Variants in GFPT2 observed in about 807,000 individuals in gnomAD.
The protein encoded by GFPT2 is glutamine--fructose-6-phosphate transaminase 2.
Under a neutral mutation model 85.6 loss-of-function variants are expected in GFPT2, and 62 were observed. That is an observed-to-expected ratio of 0.72 (90% CI 0.59 to 0.90). The LOEUF (loss-of-function observed/expected upper bound fraction) is 0.90, where lower values mean the gene tolerates loss of function less well. Among genes scored for constraint, GFPT2 ranks in the 40% least tolerant of loss-of-function variants. GFPT2 has a pLI of 0.00. For missense variants in GFPT2, 788 were observed against 893.4 expected (o/e 0.88, Z 1.50); for synonymous variants, 368 against 344.5 (o/e 1.07, Z -0.75).
Position 180,324,216 on chromosome 5 carries a change from C to A in GFPT2, c.766G>T (p.Val256Leu), listed in dbSNP as rs561071820. The change falls in exon 9 of 19, where the codon GTG becomes TTG. Residue 256 changes from valine (V) to leucine (L), a missense_variant. Physicochemically the swap from Val to Leu is conservative, Grantham distance 32. Transcript: ENST00000253778. ...ACLHAVGDKA[V>L]EFFFASDASA... is the part of the protein sequence containing the mutation. ...GCATCAGAAGCAAAGAAGAATTCCA[C>A]GGCCTTGTCGCCCACAGCATGCAGG... 6.2e-7 allele frequency: 1 copy of A among 1,608,216 alleles called. No homozygotes were observed.
At chr5:180,348,170 G>A (rs1232811778) in intron 1 of GFPT2, among the ~76,000 whole-genome samples, 1 of 152,332 alleles carries the variant, frequency 6.6e-6, no homozygotes, top group East Asian at 1.9e-4. Context: ...TAGAGATTAG[G>A]TATCATCCCA....
At chr5:180,333,239 CT>C (rs11341578) in intron 4 of GFPT2, among the ~76,000 whole-genome samples, 22,462 of 147,984 alleles carry the variant, frequency 0.15, 1,826 homozygotes, top group East Asian at 0.19. Context: ...CTTTTTCTTT[CT>C]TTTTTTTTTT....
intron 1 of GFPT2, among the ~76,000 whole-genome samples, chr5:180,346,703 C>A (rs1561885352): frequency 6.6e-6 from 1 of 152,334 alleles, no homozygotes; most frequent in East Asian, 1.9e-4. Flanking sequence ...ACATGTGATG[C>A]CTTCTCCAAC....
At chr5:180,320,725 C>T (rs990431643) in intron 9 of GFPT2, among the ~76,000 whole-genome samples, 2 of 152,172 alleles carry the variant, frequency 1.3e-5, no homozygotes, top group African/African-American at 4.8e-5. Context: ...TGAGATTGTG[C>T]CACTGCACTC....
intron 4 of GFPT2, among the ~76,000 whole-genome samples, chr5:180,332,238 CGGGGGGGCG>C (rs561756433): frequency 1.4e-4 from 9 of 66,044 alleles, no homozygotes; most frequent in African/African-American, 3.8e-4. Context: ...GGGGAGGTGG[CGGGGGGGCG>C]GGGGGAGCAG....
chr5:180,307,840 T>C (rs566142068), intron 15 of GFPT2, among the ~76,000 whole-genome samples: 6 of 152,314 alleles, frequency 3.9e-5, no homozygotes, highest in African/African-American at 1.2e-4. Context: ...GGACCAGGCG[T>C]GGTGGCTCAC....
At position 180,335,897 on chromosome 5, in the gene GFPT2, T is replaced by A. The variant is rs777670544; in HGVS notation, c.271A>T (p.Thr91Ser). 2 of 1,581,396 alleles carry A rather than the reference T, an allele frequency of 1.3e-6. No homozygotes were observed. Among genetic ancestry groups the A allele is most frequent in the South Asian group, 2.3e-5 (2 of 86,538 alleles). Residue 91 changes from threonine to serine, a missense_variant, in exon 4 of 19, where the codon ACG (threonine) becomes TCG (serine). Transcript: ENST00000253778. ...GGGACCCCGTGGGTGGCCCAGCGCGTGTGGGCAATGCCGAAGTGTGTCTCA... is the reference window on the plus strand; with the variant it reads ...GGGACCCCGTGGGTGGCCCAGCGCGAGTGGGCAATGCCGAAGTGTGTCTCA... ...EFETHFGIAH[T>S]RWATHGVPSA... is the part of the protein sequence containing the mutation.
At chr5:180,316,207 G>A in intron 13 of GFPT2, 134 bp downstream of exon 13, 1 of 853,140 alleles carries the variant, frequency 1.2e-6, no homozygotes, top group Non-Finnish European at 1.8e-6. Flanking sequence ...TGGCTCTACG[G>A]GTTAAATGAC....
rs1581375490 is a variant in GFPT2, at chr5:180,318,723, G to A, written c.958+70C>T. ...CTGTGGCCTCTACTAGGACCAGGCA[G>A]AGTGTCAGGAGCTCCACCAGGCGCG... On this transcript the variant is annotated intron_variant, in intron 10 of 18. Transcript: ENST00000253778. This position sits in a 1 kb window ranked among gnomAD's most constrained non-coding sequence, Gnocchi z 4.2. The A allele has an allele frequency of 1.5e-6, 2 of 1,332,616 alleles. No homozygotes were observed. The highest frequency in any genetic ancestry group is 4.8e-5 in the East Asian group (2 of 41,638). The allele number at this position is 1,332,616 out of a possible 1,614,324, so 82.5% of individuals were successfully genotyped here.
At position 180,313,984 on chromosome 5, in the gene GFPT2, T is replaced by TCAGTGC. The variant is rs1386804936; in HGVS notation, c.1274-26_1274-21dup. ...TCTCGCCTGCCGCCCAGGGGCCCTC[T>TCAGTGC]CAGTGCCGCGCTCCGCCAGCCTCGG... On this transcript the variant is annotated intron_variant, in intron 13 of 18. Coordinates refer to ENST00000253778, the MANE Select transcript of GFPT2 (RefSeq NM_005110.4). 1 of 1,580,024 alleles carries TCAGTGC rather than the reference T, an allele frequency of 6.3e-7. No homozygotes were observed. Among genetic ancestry groups the TCAGTGC allele is most frequent in the South Asian group, 1.1e-5 (1 of 88,558 alleles).
chr5:180,306,072 C>T (rs781145545), intron 16 of GFPT2, among the ~76,000 whole-genome samples: 11 of 151,678 alleles, frequency 7.3e-5, no homozygotes, highest in Non-Finnish European at 1.3e-4. Flanking sequence ...GCAACCTCCT[C>T]CTCTTGGATT....
intron 15 of GFPT2, among the ~76,000 whole-genome samples, chr5:180,310,701 G>A (rs979849632): frequency 1.5e-4 from 22 of 143,554 alleles, no homozygotes; most frequent in Admixed American, 4.7e-4. Context: ...GTGAGCCACC[G>A]CGCCCGGCCA....
At chr5:180,313,052 C>A (rs1763926585) in intron 14 of GFPT2, among the ~76,000 whole-genome samples, 1 of 152,006 alleles carries the variant, frequency 6.6e-6, no homozygotes, top group Admixed American at 6.5e-5. Context: ...GCTGGGATTA[C>A]AGGCCTGAGT....
At position 180,328,798 on chromosome 5, in the gene GFPT2, C is replaced by A. The variant is rs576085780; in HGVS notation, c.535-460G>T. Among the ~76,000 whole-genome samples the A allele has an allele frequency of 6.6e-6, 1 of 152,210 alleles. No individual in the cohort carries two copies. The highest frequency in any genetic ancestry group is 2.1e-4 in the South Asian group (1 of 4,838). On this transcript the variant is annotated intron_variant, in intron 6 of 18. Coordinates refer to ENST00000253778, the MANE Select transcript of GFPT2 (RefSeq NM_005110.4). This position sits in a 1 kb window ranked among gnomAD's most constrained non-coding sequence, Gnocchi z 5.4. ...TGGGCTCTCCCTTTAGCCTTCTTGGCGCCTCGTTCTCCTCATCGGTGAAGG... is the reference window on the plus strand; with the variant it reads ...TGGGCTCTCCCTTTAGCCTTCTTGGAGCCTCGTTCTCCTCATCGGTGAAGG...
At chr5:180,317,187 C>G (rs995622268) in intron 10 of GFPT2, 129 bp from the exon 11 acceptor site, 6 of 699,674 alleles carry the variant, frequency 8.6e-6, no homozygotes, top group Non-Finnish European at 1.3e-5. Context: ...ATTACCCTGC[C>G]TGACACTCAC....
At chr5:180,352,663 T>C (rs1764736752) in intron 1 of GFPT2, 1 of 438,774 alleles carries the variant, frequency 2.3e-6, no homozygotes, top group African/African-American at 2.1e-5. Context: ...TCCTTTGGGG[T>C]CGCGAGGAGG....
In GFPT2 at chr5:180,338,446, C is replaced by T. The variant is rs1764445591; in HGVS notation, c.115+47G>A. On this transcript the variant is annotated intron_variant, in intron 2 of 18. Transcript: ENST00000253778. ...GCAGTGGAGATGGGTGAGACCACAG[C>T]AGCGGAGCCCGGTCCCCAGCCACGA... The T allele has an allele frequency of 2.9e-6, 3 of 1,022,860 alleles. No individual in the cohort carries two copies. In the South Asian group the frequency reaches 3.9e-5, roughly 13 times the overall value. 63.4% of individuals were successfully genotyped at this position (1,022,860 alleles called of 1,614,324 possible). A position where few individuals can be genotyped will look rare whatever the true frequency, so the allele number is the denominator to read the frequency against.
In GFPT2 at chr5:180,353,251, G is replaced by C. The variant is rs1764752994; in HGVS notation, c.-34C>G. 1 of 1,240,754 alleles carries C rather than the reference G, an allele frequency of 8.1e-7. No individual in the cohort carries two copies. The highest frequency in any genetic ancestry group is 1.6e-5 in the African/African-American group (1 of 64,366). 76.9% of individuals were successfully genotyped at this position (1,240,754 alleles called of 1,614,324 possible). ...CTTCTCGGGCTCCTTCGCGGCTCGAGGGGGTCTGCCCGTTCGGACGCTGGG... is the reference window on the plus strand; with the variant it reads ...CTTCTCGGGCTCCTTCGCGGCTCGACGGGGTCTGCCCGTTCGGACGCTGGG... On this transcript the variant is annotated 5_prime_UTR_variant, in exon 1 of 19. Coordinates refer to ENST00000253778, the MANE Select transcript of GFPT2 (RefSeq NM_005110.4).
At chr5:180,321,257 A>G (rs1428624597) in intron 9 of GFPT2, among the ~76,000 whole-genome samples, 1 of 152,248 alleles carries the variant, frequency 6.6e-6, no homozygotes, top group Non-Finnish European at 1.5e-5. Flanking sequence ...CGAGAGATCA[A>G]CACTGCTTCC....
Sources: allele counts gnomAD v4.1 joint callset (sites outside exome capture counted in the v4.1 genomes callset), GRCh38; gene constraint gnomAD v4.1.1; non-coding constraint Gnocchi (gnomAD v3.1); transcripts MANE v1.5; gene names NCBI Gene and HGNC (gene_info 2026-07-23, HGNC 2026-07-21).